RTN3: variants seen among roughly 807,000 people sequenced by gnomAD.
The protein encoded by RTN3 is reticulon 3.
In RTN3, 49 loss-of-function variants were observed where a neutral mutation model predicts 77.8. That is an observed-to-expected ratio of 0.63 (90% CI 0.50 to 0.80). The LOEUF (loss-of-function observed/expected upper bound fraction) is 0.80, where lower values mean the gene tolerates loss of function less well. RTN3 is among the 30% of genes least tolerant of loss of function. The probability of loss-of-function intolerance (pLI) is 0.00; values close to 1 mark genes in which losing one functional copy is unlikely to be tolerated. For missense variants in RTN3, 1,236 were observed against 1,211.9 expected (o/e 1.02, Z -0.29); for synonymous variants, 464 against 446.9 (o/e 1.04, Z -0.48).
intron 2 of RTN3, among the ~76,000 whole-genome samples, chr11:63,716,684 G>C (rs900318104): frequency 6.6e-6 from 1 of 152,198 alleles, no homozygotes; most frequent in African/African-American, 2.4e-5. Context: ...TTAAAAATCA[G>C]GCCAGGCGCG....
chr11:63,720,575 A>T lies in RTN3; in HGVS notation c.2073A>T (p.Glu691Asp), dbSNP rs778162278. 38 of 1,614,168 alleles carry T rather than the reference A, an allele frequency of 2.4e-5. No individual in the cohort carries two copies. Among genetic ancestry groups the T allele is most frequent in the Non-Finnish European group, 3.1e-5 (36 of 1,180,008 alleles). Residue 691 changes from glutamate (E) to aspartate (D), a missense_variant, in exon 3 of 9, where the codon GAA becomes GAT. By Grantham distance (45) the Glu-to-Asp change is conservative. Around this residue, in one of 3 missense-constraint regions of RTN3, gnomAD observed 1,056 missense variants for 990.4 expected, o/e 1.07. Transcript: ENST00000377819. Reference protein sequence around the residue: ...MTDFKTTPPVEVLHENESGGS... With the variant: ...MTDFKTTPPVDVLHENESGGS... Reference sequence around the variant, plus strand: ...ACTTTAAAACAACTCCTCCTGTAGAAGTCTTACATGAAAATGAGTCCGGTG... The same window carrying T: ...ACTTTAAAACAACTCCTCCTGTAGATGTCTTACATGAAAATGAGTCCGGTG...
At chr11:63,686,915 C>G (rs1208568563) in intron 1 of RTN3, among the ~76,000 whole-genome samples, 2 of 152,114 alleles carry the variant, frequency 1.3e-5, no homozygotes, top group Non-Finnish European at 2.9e-5. Context: ...GAAATTAGCT[C>G]AAAGCAAAAA....
At chr11:63,696,916 G>A (rs1424451769) in intron 1 of RTN3, among the ~76,000 whole-genome samples, 1 of 96,550 alleles carries the variant, frequency 1.0e-5, no homozygotes. Context: ...ATGGAGTCTT[G>A]CTCTGTCGCC....
intron 7 of RTN3, among the ~76,000 whole-genome samples, chr11:63,754,132 A>C (rs956496995): frequency 4.6e-5 from 7 of 152,232 alleles, no homozygotes; most frequent in African/African-American, 7.2e-5. Flanking sequence ...TCTAAAAAAA[A>C]ATAGCCGGAT....
At chr11:63,684,132 T>TC (rs1467650915) in intron 1 of RTN3, among the ~76,000 whole-genome samples, 1 of 6,756 alleles carries the variant, frequency 1.5e-4, no homozygotes, top group African/African-American at 1.7e-4. Context: ...TCTTTTGGTT[T>TC]TTTTTTTTTT....
chr11:63,743,777 G>A (rs1016629967), intron 3 of RTN3, among the ~76,000 whole-genome samples: 5 of 151,866 alleles, frequency 3.3e-5, no homozygotes, highest in Admixed American at 6.6e-5. Flanking sequence ...TCAGCTGGGC[G>A]TGGTGGTGCG....
chr11:63,698,926 A>G (rs1177571747), intron 1 of RTN3, among the ~76,000 whole-genome samples: 1 of 152,222 alleles, frequency 6.6e-6, no homozygotes, highest in Non-Finnish European at 1.5e-5. Flanking sequence ...CTATTACTGC[A>G]CTGCCTGTTC....
intron 1 of RTN3, among the ~76,000 whole-genome samples, chr11:63,692,433 A>G (rs1437489488): frequency 6.6e-6 from 1 of 150,646 alleles, no homozygotes; most frequent in East Asian, 2.0e-4. Flanking sequence ...TTATGTCCCC[A>G]CCCCTGCAAC....
intron 3 of RTN3, among the ~76,000 whole-genome samples, chr11:63,740,287 C>CTT (rs764214269): frequency 2.1e-5 from 3 of 143,944 alleles, no homozygotes; most frequent in Admixed American, 7.0e-5. Context: ...ATCTTAGTTT[C>CTT]TTTTTTTTTT....
Position 63,682,087 on chromosome 11 carries a change from G to C in RTN3, c.142+309G>C, listed in dbSNP as rs1253582704. Among the ~76,000 whole-genome samples the C allele has an allele frequency of 2.0e-5, 3 of 152,242 alleles. No homozygotes were observed. In the East Asian group the frequency reaches 5.8e-4, roughly 29 times the overall value. On this transcript the variant is annotated intron_variant, in intron 1 of 8. Coordinates refer to ENST00000377819, the MANE Select transcript of RTN3 (RefSeq NM_001265589.2). The stretch of plus-strand genomic sequence containing the variant: ...CGTGGGATAAAATGGAGAGTTGCTC[G>C]ATGCATATGGTGAACCTGGGTGATT...
rs1243167746 is a variant in RTN3 at position 63,759,679 on chromosome 11, CTG to C, written c.*1482_*1483del. 1.3e-5 allele frequency: 2 copies of C among 151,568 alleles called. No individual in the cohort carries two copies. Among genetic ancestry groups the C allele is most frequent in the Non-Finnish European group, 2.9e-5 (2 of 67,920 alleles). 9.4% of individuals were successfully genotyped at this position (151,568 alleles called of 1,614,324 possible). A position where few individuals can be genotyped will look rare whatever the true frequency, so the allele number is the denominator to read the frequency against. ...ATCCAGTTCTTTTCTTTTGTTGCTG[CTG>C]TGTTTAGATAATTGAAGAGATCTTT... On this transcript the variant is annotated 3_prime_UTR_variant, in exon 9 of 9. Coordinates refer to ENST00000377819, the MANE Select transcript of RTN3 (RefSeq NM_001265589.2).
chr11:63,730,139 G>A (rs1014790247), intron 3 of RTN3, among the ~76,000 whole-genome samples: 3 of 151,924 alleles, frequency 2.0e-5, no homozygotes, highest in South Asian at 2.1e-4. Context: ...GCTTATTTTT[G>A]TATTTTTAGT....
At chr11:63,745,587 C>A (rs1338755792) in intron 3 of RTN3, among the ~76,000 whole-genome samples, 1 of 152,140 alleles carries the variant, frequency 6.6e-6, no homozygotes, top group Non-Finnish European at 1.5e-5. Flanking sequence ...TCCTCTGTTA[C>A]CTTCTCTTTA....
At chr11:63,725,122 G>T (rs755506527) in intron 3 of RTN3, among the ~76,000 whole-genome samples, 5 of 151,904 alleles carry the variant, frequency 3.3e-5, no homozygotes, top group African/African-American at 1.2e-4. Context: ...ACCTGGCCAC[G>T]CCCTCCATCT....
chr11:63,684,314 A>AT (rs1941252724), intron 1 of RTN3, among the ~76,000 whole-genome samples: 1 of 151,588 alleles, frequency 6.6e-6, no homozygotes, highest in South Asian at 2.1e-4. Flanking sequence ...TGCCCGGCTA[A>AT]TTTTTTGTAT....
chr11:63,728,843 C>T (rs1221675494), intron 3 of RTN3, among the ~76,000 whole-genome samples: 28 of 149,022 alleles, frequency 1.9e-4, no homozygotes, highest in Non-Finnish European at 3.4e-4. Flanking sequence ...GCCGGGATTG[C>T]GCCACTGCAC....
chr11:63,692,417 CAATGTTTAT>C (rs1941709422), intron 1 of RTN3, among the ~76,000 whole-genome samples: 2 of 152,018 alleles, frequency 1.3e-5, no homozygotes, highest in African/African-American at 4.8e-5. Flanking sequence ...GCAGTAGACT[CAATGTTTAT>C]GTCCCCACCC....
At chr11:63,698,383 C>G (rs1236333912) in intron 1 of RTN3, among the ~76,000 whole-genome samples, 1 of 152,202 alleles carries the variant, frequency 6.6e-6, no homozygotes, top group African/African-American at 2.4e-5. Context: ...GCTTTGGCCT[C>G]CCAAAGTGCT....
intron 3 of RTN3, among the ~76,000 whole-genome samples, chr11:63,733,703 C>T (rs1294462737): frequency 6.6e-6 from 1 of 150,516 alleles, no homozygotes; most frequent in Non-Finnish European, 1.5e-5. Flanking sequence ...GACCCTGTCT[C>T]TACCAACAAA....
Sources: gnomAD v4.1 joint callset for allele counts (sites outside exome capture counted in the v4.1 genomes callset) on GRCh38, gnomAD v4.1.1 for gene constraint, gnomAD v4.1.1 regional missense constraint, MANE v1.5 for transcripts, NCBI Gene and HGNC (gene_info 2026-07-23, HGNC 2026-07-21) for gene names.